Variants in BTAF1 observed in about 807,000 individuals in gnomAD.
BTAF1 encodes the protein B-TFIID TATA-box binding protein associated factor 1.
In BTAF1, 38 loss-of-function variants were observed where a neutral mutation model predicts 227.1. The observed-to-expected ratio is 0.17, with a 90% confidence interval of 0.13 to 0.22. The LOEUF (loss-of-function observed/expected upper bound fraction) is 0.22, where lower values mean the gene tolerates loss of function less well. Ranked by LOEUF, BTAF1 falls within the 10% of genes least tolerant of loss-of-function variation. BTAF1 has a pLI of 1.00. For synonymous variants in BTAF1, 742 were observed against 751.9 expected (o/e 0.99, Z 0.21); for missense variants, 1,598 against 2,204.0 (o/e 0.73, Z 5.51).
At chr10:91,992,501 A>G (rs74149348) in intron 21 of BTAF1, among the ~76,000 whole-genome samples, 192 bp downstream of exon 21, 2,054 of 152,270 alleles carry the variant, frequency 0.013, 48 homozygotes, top group African/African-American at 0.045. Context: ...TGTAATTTTT[A>G]CCAGCTTAAC....
At chr10:91,959,345 A>T in intron 9 of BTAF1, 191 bp downstream of exon 9, 2 of 1,229,216 alleles carry the variant, frequency 1.6e-6, no homozygotes, top group Non-Finnish European at 2.1e-6. Flanking sequence ...TTGAGAGGTC[A>T]GTGAGCAACA....
chr10:91,958,725 A>T (rs541127824), intron 8 of BTAF1, among the ~76,000 whole-genome samples: 2 of 152,140 alleles, frequency 1.3e-5, no homozygotes, highest in East Asian at 3.9e-4. Flanking sequence ...AACAAACAAA[A>T]ACACTATACG....
intron 2 of BTAF1, among the ~76,000 whole-genome samples, chr10:91,936,494 C>T (rs768225176): frequency 1.1e-4 from 16 of 150,918 alleles, no homozygotes; most frequent in Non-Finnish European, 2.1e-4. Context: ...CTCATCTGCC[C>T]ATCTCTGTTG....
At chr10:91,949,265 A>C (rs1277050768) in intron 4 of BTAF1, among the ~76,000 whole-genome samples, 4 of 152,238 alleles carry the variant, frequency 2.6e-5, no homozygotes, top group Admixed American at 1.3e-4. Flanking sequence ...GTGAGCTGTC[A>C]TCATGCTACT....
chr10:91,950,256 T>C (rs897940792), intron 4 of BTAF1, among the ~76,000 whole-genome samples: 20 of 152,100 alleles, frequency 1.3e-4, no homozygotes, highest in Non-Finnish European at 4.4e-5. Context: ...GGGGAAACTT[T>C]TGTTTTTTGT....
intron 2 of BTAF1, among the ~76,000 whole-genome samples, 154 bp from the exon 3 acceptor site, chr10:91,939,798 T>A (rs949174609): frequency 6.6e-6 from 1 of 152,220 alleles, no homozygotes; most frequent in Non-Finnish European, 1.5e-5. Flanking sequence ...GATAGAATCT[T>A]GTAAATGAAT....
In BTAF1 at chr10:92,011,432, AT is replaced by A. The variant is rs745675864; in HGVS notation, c.4311+25del. 66 of 1,135,974 alleles carry A rather than the reference AT, an allele frequency of 5.8e-5. No homozygotes were observed. Among genetic ancestry groups the A allele is most frequent in the African/African-American group, 1.1e-4 (7 of 61,508 alleles). 70.4% of individuals were successfully genotyped at this position (1,135,974 alleles called of 1,614,324 possible). ...CCAATCCAGGTAATTATTTATTATTATTTTTTTTAATTATTTTTATTTTTAT... is the reference window on the plus strand; with the variant it reads ...CCAATCCAGGTAATTATTTATTATTATTTTTTTAATTATTTTTATTTTTAT... On this transcript the variant is annotated intron_variant, in intron 30 of 37. Transcript: ENST00000265990.
chr10:92,018,753 C>T (rs771550638), intron 33 of BTAF1, 30 bp from the exon 34 acceptor site: 1 of 1,422,804 alleles, frequency 7.0e-7, no homozygotes, highest in South Asian at 1.6e-5. Context: ...GCGAAATTGA[C>T]TCATATATAC....
intron 1 of BTAF1, 83 bp downstream of exon 1, chr10:91,924,173 G>A: frequency 6.5e-7 from 1 of 1,545,888 alleles, no homozygotes; most frequent in East Asian, 2.5e-5. Context: ...TCCTAGAGAA[G>A]AGCGGTTCTC....
At chr10:91,955,598 A>G (rs971197907) in intron 6 of BTAF1, among the ~76,000 whole-genome samples, 2 of 152,312 alleles carry the variant, frequency 1.3e-5, no homozygotes, top group African/African-American at 2.4e-5. Flanking sequence ...TTGAGTAACA[A>G]TCTGAAAGAA....
intron 1 of BTAF1, among the ~76,000 whole-genome samples, chr10:91,925,516 CT>C (rs6144026): frequency 4.3e-4 from 49 of 114,532 alleles, no homozygotes; most frequent in African/African-American, 6.0e-4. Context: ...ACGCTAATCT[CT>C]TTTTTTTTTT....
chr10:91,924,389 G>A (rs10509640), intron 1 of BTAF1, among the ~76,000 whole-genome samples: 1 of 152,006 alleles, frequency 6.6e-6, no homozygotes, highest in African/African-American at 2.4e-5. Flanking sequence ...TTCGATTCTA[G>A]GGGAGTCTCT....
At chr10:91,989,035 T>G in intron 19 of BTAF1, 119 bp from the exon 20 acceptor site, 1 of 824,476 alleles carries the variant, frequency 1.2e-6, no homozygotes, top group Non-Finnish European at 1.8e-6. Context: ...ACTAAAACAA[T>G]ATTACATATT....
intron 1 of BTAF1, among the ~76,000 whole-genome samples, chr10:91,925,243 G>A (rs1021933401): frequency 6.6e-6 from 1 of 152,074 alleles, no homozygotes; most frequent in African/African-American, 2.4e-5. Context: ...AAATAAAACT[G>A]CCTTGAGAGA....
rs529869318 is a variant in BTAF1, at chr10:91,934,948, C to T, written c.15-709C>T. Among the ~76,000 whole-genome samples the T allele has an allele frequency of 2.6e-4, 40 of 152,266 alleles. 1 individual carries two copies. In the South Asian group the frequency reaches 8.3e-3, roughly 32 times the overall value. On this transcript the variant is annotated intron_variant, in intron 1 of 37. Coordinates refer to ENST00000265990, the MANE Select transcript of BTAF1 (RefSeq NM_003972.3). ...GGATATAATATTCGCTCCTTTCTTT[C>T]ATAATCCTCAAAGCACTTTGTACTT...
chr10:91,960,220 A>G (rs1846403704), intron 11 of BTAF1, 66 bp downstream of exon 11: 1 of 1,472,226 alleles, frequency 6.8e-7, no homozygotes, highest in Non-Finnish European at 9.2e-7. Flanking sequence ...TATTTTCACT[A>G]ATTAGACGAA....
chr10:91,932,011 G>C (rs895175387), intron 1 of BTAF1, among the ~76,000 whole-genome samples: 7 of 152,288 alleles, frequency 4.6e-5, no homozygotes, highest in Admixed American at 1.3e-4. Flanking sequence ...GCTACCCTCA[G>C]GGCATTTGGC....
At chr10:91,999,867 C>T (rs753037733) in intron 25 of BTAF1, among the ~76,000 whole-genome samples, 1 of 151,788 alleles carries the variant, frequency 6.6e-6, no homozygotes, top group Non-Finnish European at 1.5e-5. Context: ...CAAAAACAGG[C>T]AAAAGAAACT....
intron 32 of BTAF1, among the ~76,000 whole-genome samples, chr10:92,016,069 T>C (rs1850701929): frequency 6.6e-6 from 1 of 152,186 alleles, no homozygotes; most frequent in Admixed American, 6.5e-5. Context: ...AGTAGAAAAA[T>C]TGAGTCTTGG....
Sources: gnomAD v4.1 joint callset for allele counts (sites outside exome capture counted in the v4.1 genomes callset) on GRCh38, gnomAD v4.1.1 for gene constraint, MANE v1.5 for transcripts, NCBI Gene and HGNC (gene_info 2026-07-23, HGNC 2026-07-21) for gene names.